Variants in EMILIN2 observed in about 807,000 individuals in gnomAD.
The protein encoded by EMILIN2 is EMILIN-2.
A neutral mutation model predicts 87.1 loss-of-function variants in EMILIN2; 71 were observed. The observed-to-expected ratio is 0.82, with a 90% CI of 0.67 to 0.99. The LOEUF (loss-of-function observed/expected upper bound fraction) is 0.99. Among genes scored for constraint, EMILIN2 ranks in the 50% least tolerant of loss-of-function variants. EMILIN2 has a pLI of 0.00. For synonymous variants in EMILIN2, 581 were observed against 563.4 expected (o/e 1.03, Z -0.44); for missense variants, 1,407 against 1,371.8 (o/e 1.03, Z -0.40).
In EMILIN2 at chr18:2,892,018, A is replaced by T; in HGVS notation, c.1891A>T (p.Asn631Tyr). 2 of 1,614,242 alleles carry T rather than the reference A, an allele frequency of 1.2e-6. No homozygotes were observed. Among genetic ancestry groups the T allele is most frequent in the Non-Finnish European group, 1.7e-6 (2 of 1,180,052 alleles). The part of the protein sequence containing the change: ...DVTHLQKEMS[N>Y]CRAGENAGMG... The stretch of plus-strand genomic sequence containing the variant: ...GACTCATCTTCAAAAGGAAATGAGC[A>T]ATTGTAGAGCAGGTGAAAACGCTGG... The change falls in exon 4 of 8, where the codon AAT becomes TAT. Residue 631 changes from asparagine to tyrosine, a missense_variant. Physicochemically the swap from Asn to Tyr is moderately radical, Grantham distance 143 (BLOSUM62 -2). Coordinates refer to ENST00000254528, the MANE Select transcript of EMILIN2 (RefSeq NM_032048.3).
intron 2 of EMILIN2, among the ~76,000 whole-genome samples, chr18:2,855,819 C>T (rs778931561): frequency 3.3e-5 from 5 of 152,214 alleles, no homozygotes; most frequent in Non-Finnish European, 7.3e-5. Flanking sequence ...AGTGCGGGAA[C>T]ACAGCTGACA....
chr18:2,913,452 T>C lies in EMILIN2; in HGVS notation c.*48T>C, dbSNP rs754054485. On this transcript the variant is annotated 3_prime_UTR_variant, in exon 8 of 8. Transcript: ENST00000254528. ...GAAAGATAGATAGTTGTAAAAACTC[T>C]AAAGCTTTAATATATTCGGTTTGTA... 12 of 1,433,840 alleles carry C rather than the reference T, an allele frequency of 8.4e-6. No homozygotes were observed. Among genetic ancestry groups the C allele is most frequent in the Non-Finnish European group, 1.1e-5 (12 of 1,056,684 alleles). The allele number at this position is 1,433,840 out of a possible 1,614,324, so 88.8% of individuals were successfully genotyped here. A position where few individuals can be genotyped will look rare whatever the true frequency, so the allele number is the denominator to read the frequency against.
intron 3 of EMILIN2, among the ~76,000 whole-genome samples, chr18:2,889,800 C>A (rs2076825016): frequency 6.8e-6 from 1 of 147,936 alleles, no homozygotes; most frequent in East Asian, 2.0e-4. Context: ...GTAACTGAGA[C>A]TACAGGCACA....
At chr18:2,857,158 T>C (rs1022387006) in intron 2 of EMILIN2, among the ~76,000 whole-genome samples, 4 of 152,230 alleles carry the variant, frequency 2.6e-5, no homozygotes, top group Admixed American at 6.5e-5. Flanking sequence ...CTCTTTGCAG[T>C]GTCAGCCTTT....
chr18:2,886,702 T>G (rs1334731094), intron 3 of EMILIN2, among the ~76,000 whole-genome samples: 1 of 152,252 alleles, frequency 6.6e-6, no homozygotes, highest in African/African-American at 2.4e-5. Context: ...TGGTGTACTA[T>G]GAATAGATTT....
At chr18:2,875,061 G>T (rs2076740483) in intron 2 of EMILIN2, among the ~76,000 whole-genome samples, 1 of 152,216 alleles carries the variant, frequency 6.6e-6, no homozygotes, top group Non-Finnish European at 1.5e-5. Context: ...TGGCACCTGG[G>T]AAGAGAAAGC....
intron 7 of EMILIN2, among the ~76,000 whole-genome samples, 177 bp downstream of exon 7, chr18:2,909,996 G>C (rs1279758671): frequency 6.6e-6 from 1 of 152,238 alleles, no homozygotes; most frequent in Non-Finnish European, 1.5e-5. Flanking sequence ...CTTTCACGTA[G>C]AACGTGTCCC....
At chr18:2,899,095 A>G (rs893263254) in intron 4 of EMILIN2, among the ~76,000 whole-genome samples, 7 of 152,130 alleles carry the variant, frequency 4.6e-5, no homozygotes, top group Non-Finnish European at 1.0e-4. Context: ...AAAAACAAAA[A>G]CAAAAAACTC....
chr18:2,847,162 A>G lies in EMILIN2; in HGVS notation c.-27A>G. The G allele has an allele frequency of 9.3e-7, 1 of 1,075,236 alleles. No individual in the cohort carries two copies. The highest frequency in any genetic ancestry group is 1.1e-6 in the Non-Finnish European group (1 of 892,510). The allele number at this position is 1,075,236 out of a possible 1,614,324, so 66.6% of individuals were successfully genotyped here. A position where few individuals can be genotyped will look rare whatever the true frequency, so the allele number is the denominator to read the frequency against. Reference sequence around the variant, plus strand: ...GATCCGCCGCGCTCCGGACCCGGGCAGGCGGGGCGCGCCCGCTGCGCGCGG... The same window carrying G: ...GATCCGCCGCGCTCCGGACCCGGGCGGGCGGGGCGCGCCCGCTGCGCGCGG... On this transcript the variant is annotated 5_prime_UTR_variant, in exon 1 of 8. Coordinates refer to ENST00000254528, the MANE Select transcript of EMILIN2 (RefSeq NM_032048.3). The surrounding 1 kb of genome is among the most constrained non-coding windows in gnomAD (Gnocchi z 4.5).
At chr18:2,856,779 A>G (rs2076629871) in intron 2 of EMILIN2, among the ~76,000 whole-genome samples, 1 of 152,044 alleles carries the variant, frequency 6.6e-6, no homozygotes, top group Non-Finnish European at 1.5e-5. Context: ...TAAAAATAAC[A>G]ACAAACCACT....
At chr18:2,887,888 G>A (rs677396) in intron 3 of EMILIN2, among the ~76,000 whole-genome samples, 115,927 of 152,118 alleles carry the variant, frequency 0.76, 44,888 homozygotes, top group Non-Finnish European at 0.81. Context: ...CACAACCTTG[G>A]ACTCCTGGAC....
intron 2 of EMILIN2, among the ~76,000 whole-genome samples, chr18:2,863,835 T>C (rs1341159473): frequency 6.6e-6 from 1 of 152,152 alleles, no homozygotes; most frequent in East Asian, 1.9e-4. Context: ...AAGTCTCCCA[T>C]TATTATTGTG....
chr18:2,877,360 A>G (rs2076753944), intron 2 of EMILIN2, among the ~76,000 whole-genome samples: 2 of 152,276 alleles, frequency 1.3e-5, no homozygotes, highest in South Asian at 4.1e-4. Context: ...GTGTCAATAA[A>G]TATAAAAAGC....
At chr18:2,895,411 A>AT (rs1310217609) in intron 4 of EMILIN2, among the ~76,000 whole-genome samples, 1 of 152,176 alleles carries the variant, frequency 6.6e-6, no homozygotes, top group Admixed American at 6.5e-5. Context: ...TGGATTAGCT[A>AT]TTTATTGCTT....
chr18:2,903,964 T>A (rs1044368197), intron 4 of EMILIN2, among the ~76,000 whole-genome samples: 1 of 152,224 alleles, frequency 6.6e-6, no homozygotes, highest in Non-Finnish European at 1.5e-5. Flanking sequence ...TACTCCCTTG[T>A]TTCAGTAGTG....
At chr18:2,873,635 A>G (rs1365180768) in intron 2 of EMILIN2, among the ~76,000 whole-genome samples, 1 of 151,972 alleles carries the variant, frequency 6.6e-6, no homozygotes, top group Non-Finnish European at 1.5e-5. Context: ...TGAACCCGGG[A>G]GGCGGAGCTT....
In EMILIN2 at chr18:2,913,457, C is replaced by T. The variant is rs573096089; in HGVS notation, c.*53C>T. Reference sequence around the variant, plus strand: ...ATAGATAGTTGTAAAAACTCTAAAGCTTTAATATATTCGGTTTGTATGTAA... The same window carrying T: ...ATAGATAGTTGTAAAAACTCTAAAGTTTTAATATATTCGGTTTGTATGTAA... On this transcript the variant is annotated 3_prime_UTR_variant, in exon 8 of 8. Coordinates refer to ENST00000254528, the MANE Select transcript of EMILIN2 (RefSeq NM_032048.3). 1.7e-5 allele frequency: 24 copies of T among 1,408,834 alleles called. No individual in the cohort carries two copies. Among genetic ancestry groups the T allele is most frequent in the Non-Finnish European group, 2.2e-5 (23 of 1,035,974 alleles). The allele number at this position is 1,408,834 out of a possible 1,614,324, so 87.3% of individuals were successfully genotyped here.
At chr18:2,883,561 T>A (rs1238330130) in intron 2 of EMILIN2, among the ~76,000 whole-genome samples, 1 of 152,230 alleles carries the variant, frequency 6.6e-6, no homozygotes, top group African/African-American at 2.4e-5. Context: ...GCTGTGGCTT[T>A]TGCCTGTGCT....
intron 2 of EMILIN2, among the ~76,000 whole-genome samples, chr18:2,868,352 C>G (rs374706493): frequency 2.0e-5 from 3 of 152,068 alleles, no homozygotes; most frequent in Non-Finnish European, 2.9e-5. Flanking sequence ...ACATCCCAGA[C>G]GATGGGCGGC....
Sources: gnomAD v4.1 joint callset for allele counts (sites outside exome capture counted in the v4.1 genomes callset) on GRCh38, gnomAD v4.1.1 for gene constraint, Gnocchi (gnomAD v3.1) non-coding constraint, MANE v1.5 for transcripts, NCBI Gene and HGNC (gene_info 2026-07-23, HGNC 2026-07-21) for gene names.